The following TLE1 variants were observed in gnomAD, a reference collection of about 807,000 sequenced individuals.
TLE1 encodes transducin-like enhancer protein 1.
A neutral mutation model predicts 89.8 loss-of-function variants in TLE1; 21 were observed. That is an observed-to-expected ratio of 0.23 (90% CI 0.17 to 0.34). The LOEUF is 0.34. TLE1 is among the 10% of genes least tolerant of loss of function. The probability of loss-of-function intolerance (pLI) is 1.00; values close to 1 mark genes in which losing one functional copy is unlikely to be tolerated. For missense variants in TLE1, 795 were observed against 1,031.2 expected (o/e 0.77, Z 3.14); for synonymous variants, 447 against 407.6 (o/e 1.10, Z -1.16).
intron 19 of TLE1, 60 bp downstream of exon 19, chr9:81,584,388 C>T: frequency 6.2e-7 from 1 of 1,610,892 alleles, no homozygotes; most frequent in Non-Finnish European, 8.5e-7. Flanking sequence ...ACCTTCACTC[C>T]TGGCTTCAGA....
chr9:81,655,197 C>T (rs1226922689), intron 4 of TLE1, among the ~76,000 whole-genome samples: 2 of 151,968 alleles, frequency 1.3e-5, no homozygotes, highest in Non-Finnish European at 2.9e-5. Flanking sequence ...AACCCCGTCT[C>T]TACTCAAAAT....
intron 14 of TLE1, among the ~76,000 whole-genome samples, chr9:81,606,777 A>T (rs71498443): frequency 0.33 from 49,257 of 149,730 alleles, 9,123 homozygotes; most frequent in East Asian, 0.58. Flanking sequence ...AAGTATAATT[A>T]AAAAAAAAAC....
chr9:81,595,676 G>A (rs917957249), intron 14 of TLE1, among the ~76,000 whole-genome samples: 7 of 152,078 alleles, frequency 4.6e-5, no homozygotes, highest in African/African-American at 9.6e-5. Context: ...AAAATCAGCC[G>A]GGTATGGTGG....
intron 4 of TLE1, among the ~76,000 whole-genome samples, chr9:81,665,249 G>A (rs921743513): frequency 6.6e-6 from 1 of 152,130 alleles, no homozygotes; most frequent in African/African-American, 2.4e-5. Flanking sequence ...TTCCACCCAT[G>A]GCAATGTAAT....
chr9:81,587,926 G>C, intron 16 of TLE1, 98 bp from the exon 17 acceptor site: 8 of 880,884 alleles, frequency 9.1e-6, no homozygotes, highest in South Asian at 2.0e-5. Context: ...GTGTGTGTGT[G>C]TGTGTGTGTG....
intron 6 of TLE1, among the ~76,000 whole-genome samples, chr9:81,634,928 T>G (rs557540172): frequency 6.6e-6 from 1 of 152,314 alleles, no homozygotes; most frequent in East Asian, 1.9e-4. Context: ...GTAATCTGGG[T>G]GGGTGTCTCA....
At chr9:81,682,148 G>A (rs375103420) in intron 4 of TLE1, among the ~76,000 whole-genome samples, 79 of 152,136 alleles carry the variant, frequency 5.2e-4, no homozygotes, top group African/African-American at 1.6e-3. Flanking sequence ...CAGCTACTCC[G>A]GAGGCTGAGG....
chr9:81,616,767 C>A, intron 9 of TLE1, 68 bp from the exon 10 acceptor site: 1 of 1,576,362 alleles, frequency 6.3e-7, no homozygotes, highest in Non-Finnish European at 8.7e-7. Flanking sequence ...AGTTAGATTT[C>A]TTTCTATAGT....
At chr9:81,672,623 A>C (rs949718885) in intron 4 of TLE1, among the ~76,000 whole-genome samples, 3 of 152,100 alleles carry the variant, frequency 2.0e-5, no homozygotes, top group African/African-American at 4.8e-5. Flanking sequence ...GCAAAAAGAA[A>C]ACTACATGCA....
At chr9:81,629,172 G>A (rs1452400171) in intron 8 of TLE1, among the ~76,000 whole-genome samples, 2 of 144,398 alleles carry the variant, frequency 1.4e-5, no homozygotes, top group Non-Finnish European at 3.0e-5. Context: ...TTTGTCAAAT[G>A]ACTCAAAGTA....
chr9:81,677,684 G>A (rs1020170062), intron 4 of TLE1, among the ~76,000 whole-genome samples: 1 of 152,026 alleles, frequency 6.6e-6, no homozygotes, highest in Non-Finnish European at 1.5e-5. Flanking sequence ...ATCAGTCATG[G>A]TGCTAATACC....
chr9:81,669,045 T>C (rs57375451), intron 4 of TLE1, among the ~76,000 whole-genome samples: 1 of 152,328 alleles, frequency 6.6e-6, no homozygotes, highest in African/African-American at 2.4e-5. Flanking sequence ...ACGTATTCTG[T>C]TACACTGGTC....
At chr9:81,594,505 T>G (rs986171384) in intron 14 of TLE1, among the ~76,000 whole-genome samples, 1 of 151,758 alleles carries the variant, frequency 6.6e-6, no homozygotes, top group Non-Finnish European at 1.5e-5. Flanking sequence ...ATCGCGCCAC[T>G]GCACTCCAGC....
At chr9:81,618,354 A>T (rs1246579352) in intron 9 of TLE1, among the ~76,000 whole-genome samples, 1 of 152,196 alleles carries the variant, frequency 6.6e-6, no homozygotes, top group Admixed American at 6.5e-5. Context: ...CCACAAATCT[A>T]GTCTAGAAAG....
chr9:81,609,659 A>G (rs1156622284), intron 14 of TLE1, among the ~76,000 whole-genome samples: 1 of 152,132 alleles, frequency 6.6e-6, no homozygotes, highest in Non-Finnish European at 1.5e-5. Flanking sequence ...GCTTTTTATA[A>G]TTCTAGATCT....
intron 6 of TLE1, among the ~76,000 whole-genome samples, chr9:81,648,055 T>C (rs1284390277): frequency 6.6e-6 from 1 of 151,992 alleles, no homozygotes; most frequent in Non-Finnish European, 1.5e-5. Flanking sequence ...GTGGATCACC[T>C]AAGTTTGGGA....
intron 4 of TLE1, among the ~76,000 whole-genome samples, chr9:81,656,055 T>C (rs1366888910): frequency 6.6e-6 from 1 of 152,130 alleles, no homozygotes; most frequent in Non-Finnish European, 1.5e-5. Context: ...GACCATGCCT[T>C]GGACAAAATG....
intron 4 of TLE1, among the ~76,000 whole-genome samples, chr9:81,678,348 G>A (rs562708468): frequency 6.0e-4 from 90 of 151,066 alleles, no homozygotes; most frequent in Non-Finnish European, 6.2e-4. Flanking sequence ...GTACTAGCTA[G>A]TACTACAGGT....
At chr9:81,610,159 G>T in intron 14 of TLE1, 61 bp downstream of exon 14, 2 of 1,430,330 alleles carry the variant, frequency 1.4e-6, no homozygotes, top group Non-Finnish European at 9.8e-7. Flanking sequence ...ATTCTAGTCT[G>T]CTAATACCAA....
Sources: gnomAD v4.1 joint callset for allele counts (sites outside exome capture counted in the v4.1 genomes callset) on GRCh38, gnomAD v4.1.1 for gene constraint, MANE v1.5 for transcripts, NCBI Gene and HGNC (gene_info 2026-07-23, HGNC 2026-07-21) for gene names.